Variants in LANCL2 observed in about 807,000 individuals in gnomAD.
LANCL2 encodes the protein LanC like glutathione S-transferase 2, also known as lanC-like protein 2.
In LANCL2, 33 loss-of-function variants were observed where a neutral mutation model predicts 56.9. That is an observed-to-expected ratio of 0.58 (90% CI 0.44 to 0.78). The LOEUF is 0.78. LANCL2 is among the 30% of genes least tolerant of loss of function. LANCL2 has a pLI of 0.00. For synonymous variants in LANCL2, 233 were observed against 228.2 expected (o/e 1.02, Z -0.19); for missense variants, 562 against 580.2 (o/e 0.97, Z 0.32).
At chr7:55,402,999 C>T (rs1451872039) in intron 5 of LANCL2, among the ~76,000 whole-genome samples, 3 of 149,918 alleles carry the variant, frequency 2.0e-5, no homozygotes, top group Non-Finnish European at 3.0e-5. Flanking sequence ...AGACGATGGG[C>T]GGCCAGGCAG....
intron 5 of LANCL2, among the ~76,000 whole-genome samples, chr7:55,403,127 A>C (rs866224269): frequency 0.17 from 24,866 of 143,636 alleles, no homozygotes; most frequent in African/African-American, 0.36. Context: ...AGATCACGCC[A>C]CTGCACTCCA....
Position 55,425,339 on chromosome 7 carries a change from G to T in LANCL2, c.1094G>T (p.Gly365Val). Residue 365 changes from glycine to valine, a missense_variant, in exon 7 of 9, where the codon GGG (glycine) becomes GTG (valine). Gly to Val is a moderately radical substitution (Grantham distance 109, BLOSUM62 -3). Around this residue, in one of 2 missense-constraint regions of LANCL2, gnomAD observed 378 missense variants for 468.4 expected, o/e 0.81. Coordinates refer to ENST00000254770, the MANE Select transcript of LANCL2 (RefSeq NM_018697.4). The stretch of plus-strand genomic sequence containing the variant: ...CGAGGTTTGCTGCGGAAGGGCTACG[G>T]GATATGCCATGGGACTGCTGGCAAC... The part of the protein sequence containing the change: ...WQRGLLRKGY[G>V]ICHGTAGNGY... 1.2e-6 allele frequency: 2 copies of T among 1,614,142 alleles called. No homozygotes were observed. The highest frequency in any genetic ancestry group is 1.7e-6 in the Non-Finnish European group (2 of 1,180,012).
In LANCL2 at chr7:55,366,698, G is replaced by A. The variant is rs192271650; in HGVS notation, c.204+469G>A. ...TCTGTGTGCCCAGAAATGGGAAGCG[G>A]GTGTAAGGGGAGGCCAAACTTGACT... On this transcript the variant is annotated intron_variant, in intron 1 of 8. Transcript: ENST00000254770. Among the ~76,000 whole-genome samples, 294 of 152,330 alleles carry A rather than the reference G, an allele frequency of 1.9e-3. 2 individuals carry two copies. The highest frequency in any genetic ancestry group is 3.4e-3 in the Middle Eastern group (1 of 294).
rs371389139 is a variant in LANCL2, at chr7:55,423,429, G to C, written c.1009-1825G>C. Among the ~76,000 whole-genome samples the C allele has an allele frequency of 2.4e-4, 37 of 152,328 alleles. No homozygotes were observed. The South Asian group carries it at 7.3e-3, about 30-fold the overall frequency. ...AGCTCACTTTAGGGCTGGCCTCACT[G>C]TGTGATTTCAGAACACAGCCTCTCA... is the stretch of plus-strand genomic sequence containing the variant. On this transcript the variant is annotated intron_variant, in intron 6 of 8. Transcript: ENST00000254770.
intron 4 of LANCL2, among the ~76,000 whole-genome samples, 189 bp from the exon 5 acceptor site, chr7:55,400,985 C>A (rs1357983380): frequency 6.6e-6 from 1 of 152,112 alleles, no homozygotes; most frequent in South Asian, 2.1e-4. Flanking sequence ...CTCCTGATTT[C>A]TTTTTGCCTG....
chr7:55,382,601 C>T (rs1204012848), intron 1 of LANCL2, among the ~76,000 whole-genome samples: 1 of 152,038 alleles, frequency 6.6e-6, no homozygotes, highest in Non-Finnish European at 1.5e-5. Flanking sequence ...GCTGATTGGT[C>T]GGATCCTAGA....
At position 55,432,957 on chromosome 7, in the gene LANCL2, A is replaced by G. The variant is rs895922358; in HGVS notation, c.*1637A>G. The G allele has an allele frequency of 1.3e-5, 2 of 152,280 alleles. No homozygotes were observed. Among genetic ancestry groups the G allele is most frequent in the African/African-American group, 2.4e-5 (1 of 41,456 alleles). The allele number at this position is 152,280 out of a possible 1,614,324, so 9.4% of individuals were successfully genotyped here. A position where few individuals can be genotyped will look rare whatever the true frequency, so the allele number is the denominator to read the frequency against. On this transcript the variant is annotated 3_prime_UTR_variant, in exon 9 of 9. Transcript: ENST00000254770. ...ACCTGCAGGCAGGATGCTGTCGTCA[A>G]TGAGCTGAGGGTAGCTGCTTTGCTG...
intron 1 of LANCL2, among the ~76,000 whole-genome samples, chr7:55,390,360 C>A (rs1178771423): frequency 6.6e-6 from 1 of 152,186 alleles, no homozygotes; most frequent in Non-Finnish European, 1.5e-5. Flanking sequence ...AATCCCAGCA[C>A]TTTGAGAGGC....
intron 6 of LANCL2, among the ~76,000 whole-genome samples, chr7:55,417,715 C>T (rs914346839): frequency 2.0e-5 from 3 of 152,046 alleles, no homozygotes; most frequent in African/African-American, 7.2e-5. Flanking sequence ...TGGAGTCTTG[C>T]TTGGTCGCCC....
intron 1 of LANCL2, among the ~76,000 whole-genome samples, chr7:55,384,411 G>T: frequency 6.6e-6 from 1 of 152,176 alleles, no homozygotes; most frequent in Non-Finnish European, 1.5e-5. Context: ...AATTAGCCGG[G>T]TGTGGTGGCG....
chr7:55,378,875 G>A (rs1235536229), intron 1 of LANCL2, among the ~76,000 whole-genome samples: 1 of 152,252 alleles, frequency 6.6e-6, no homozygotes, highest in Non-Finnish European at 1.5e-5. Flanking sequence ...GCTCACGCCT[G>A]TAATCCCAGG....
At chr7:55,389,566 TTA>T (rs1790162335) in intron 1 of LANCL2, among the ~76,000 whole-genome samples, 1 of 152,196 alleles carries the variant, frequency 6.6e-6, no homozygotes, top group South Asian at 2.1e-4. Context: ...GTTTTGATAC[TTA>T]TGTTAATTAA....
intron 5 of LANCL2, chr7:55,411,286 T>C (rs1263049193): frequency 6.6e-6 from 1 of 152,246 alleles, no homozygotes; most frequent in Admixed American, 6.5e-5. Flanking sequence ...TTTTTAGTCT[T>C]AGTCCCTGTA....
At chr7:55,391,420 T>G (rs1242357145) in intron 1 of LANCL2, among the ~76,000 whole-genome samples, 2 of 152,236 alleles carry the variant, frequency 1.3e-5, no homozygotes, top group Non-Finnish European at 2.9e-5. Flanking sequence ...GATTTATATC[T>G]TATATTCTAT....
At chr7:55,380,644 A>G (rs1215312873) in intron 1 of LANCL2, among the ~76,000 whole-genome samples, 1 of 152,064 alleles carries the variant, frequency 6.6e-6, no homozygotes, top group Non-Finnish European at 1.5e-5. Flanking sequence ...AGGAGGAGGG[A>G]GGTTCTATAG....
intron 6 of LANCL2, among the ~76,000 whole-genome samples, chr7:55,419,558 C>T (rs192162020): frequency 1.9e-4 from 29 of 151,970 alleles, no homozygotes; most frequent in Admixed American, 7.2e-4. Flanking sequence ...CGAGGTACCA[C>T]GCCTGACTAA....
In LANCL2 at chr7:55,366,132, G is replaced by A; in HGVS notation, c.107G>A (p.Gly36Glu). 1.3e-6 allele frequency: 2 copies of A among 1,548,250 alleles called. No individual in the cohort carries two copies. The highest frequency in any genetic ancestry group is 1.4e-5 in the African/African-American group (1 of 72,308). ...TTCCCGGACTACGAGGCCGCCGCCG[G>A]GGCGCTGCTCGCCTCCGGAGCGGCC... ...NPFPDYEAAA[G>E]ALLASGAAEE... is the part of the protein sequence containing the mutation. The change falls in exon 1 of 9, where the codon GGG becomes GAG. Residue 36 changes from glycine to glutamate, a missense_variant. Transcript: ENST00000254770.
At chr7:55,367,026 C>G (rs753253420) in intron 1 of LANCL2, among the ~76,000 whole-genome samples, 3 of 152,048 alleles carry the variant, frequency 2.0e-5, no homozygotes, top group Non-Finnish European at 2.9e-5. Flanking sequence ...CAGGAGTTTT[C>G]TCTTGTTTCA....
intron 6 of LANCL2, among the ~76,000 whole-genome samples, chr7:55,425,043 AG>A (rs1269987853): frequency 5.9e-5 from 9 of 152,198 alleles, no homozygotes; most frequent in African/African-American, 2.2e-4. Flanking sequence ...GGTGCCAAAA[AG>A]GTTGGAGACC....
Sources: gnomAD v4.1 joint callset for allele counts (sites outside exome capture counted in the v4.1 genomes callset) on GRCh38, gnomAD v4.1.1 for gene constraint, gnomAD v4.1.1 regional missense constraint, MANE v1.5 for transcripts, NCBI Gene and HGNC (gene_info 2026-07-23, HGNC 2026-07-21) for gene names.